ZNF76: variants seen among roughly 807,000 people sequenced by gnomAD.
The protein encoded by ZNF76 is zinc finger protein 76, also known as zinc finger protein 523.
ZNF76 carries 66 observed loss-of-function variants against 66.9 expected under a neutral mutation model. The ratio of observed to expected loss-of-function variants is 0.99; its 90% CI spans 0.81 to 1.21. ZNF76 has a LOEUF of 1.21. Among genes scored for constraint, ZNF76 ranks in the 50% most tolerant of loss-of-function variants. The pLI, the probability that ZNF76 is intolerant of heterozygous loss-of-function variation, is 0.00. For synonymous variants in ZNF76, 275 were observed against 296.1 expected, an observed-to-expected ratio of 0.93 and a Z score of 0.73; for missense variants, 729 against 760.3, an observed-to-expected ratio of 0.96 and a Z score of 0.48.
intron 1 of ZNF76, among the ~76,000 whole-genome samples, chr6:35,269,123 A>G (rs1786596774): frequency 6.6e-6 from 1 of 151,888 alleles, no homozygotes. Flanking sequence ...TCTACTAAAA[A>G]TACAAAAATT....
Position 35,287,677 on chromosome 6 carries a change from C to T in ZNF76, c.264C>T (p.Val88=). 1 of 1,613,896 alleles carries T rather than the reference C, an allele frequency of 6.2e-7. No homozygotes were observed. The change falls in exon 5 of 14, where the codon GTC becomes GTT. Residue 88 remains valine (V), a synonymous_variant. Transcript: ENST00000373953. This position sits in a 1 kb window ranked among gnomAD's most constrained non-coding sequence, Gnocchi z 4.0. ...EGYDPSTLEA[V]QLEDGSTAYI... is the part of the protein sequence containing the mutation. The stretch of plus-strand genomic sequence containing the variant: ...ATGACCCCAGCACCCTGGAAGCCGT[C>T]CAACTGGAAGATGGCTCCACTGCCT...
intron 2 of ZNF76, 75 bp downstream of exon 2, chr6:35,281,299 C>T: frequency 7.1e-7 from 1 of 1,406,698 alleles, no homozygotes; most frequent in Non-Finnish European, 1.0e-6. Context: ...TTCTAAGAGT[C>T]CCACCATCAC....
intron 1 of ZNF76, among the ~76,000 whole-genome samples, chr6:35,267,959 C>G (rs1293180981): frequency 6.6e-6 from 1 of 152,170 alleles, no homozygotes; most frequent in Non-Finnish European, 1.5e-5. Flanking sequence ...AGGAGCTTCT[C>G]TTAGAAGCTC....
In ZNF76 at chr6:35,290,546, G is replaced by A; in HGVS notation, c.550-95G>A. The A allele has an allele frequency of 7.2e-6, 11 of 1,532,260 alleles. No homozygotes were observed. In the South Asian group the frequency reaches 1.3e-4, roughly 18 times the overall value. The allele number at this position is 1,532,260 out of a possible 1,614,324, so 94.9% of individuals were successfully genotyped here. A position where few individuals can be genotyped will look rare whatever the true frequency, so the allele number is the denominator to read the frequency against. On this transcript the variant is annotated intron_variant, in intron 6 of 13. Coordinates refer to ENST00000373953, the MANE Select transcript of ZNF76 (RefSeq NM_003427.5). Reference sequence around the variant, plus strand: ...ACAGAGCGCTTGACACACATGAATGGTACAGGAGGGAAGAGAATCAGGGTC... The same window carrying A: ...ACAGAGCGCTTGACACACATGAATGATACAGGAGGGAAGAGAATCAGGGTC...
At chr6:35,294,076 T>TA in intron 12 of ZNF76, 161 bp downstream of exon 12, 1 of 823,732 alleles carries the variant, frequency 1.2e-6, no homozygotes, top group African/African-American at 1.7e-5. Flanking sequence ...GAGCAGCTCT[T>TA]ACCTTTAAAA....
At position 35,287,762 on chromosome 6, in the gene ZNF76, G is replaced by T; in HGVS notation, c.349G>T (p.Val117Leu). The T allele has an allele frequency of 6.2e-7, 1 of 1,614,218 alleles. No homozygotes were observed. Among genetic ancestry groups the T allele is most frequent in the Non-Finnish European group, 8.5e-7 (1 of 1,180,044 alleles). Residue 117 changes from valine (V) to leucine (L), a missense_variant, in exon 5 of 14, where the codon GTG becomes TTG. Val to Leu is a conservative substitution (Grantham distance 32, BLOSUM62 1). Coordinates refer to ENST00000373953, the MANE Select transcript of ZNF76 (RefSeq NM_003427.5). This position sits in a 1 kb window ranked among gnomAD's most constrained non-coding sequence, Gnocchi z 4.0. ...ESTILAVQTE[V>L]GLEDLAAEDD... ...CACCATCCTGGCCGTACAGACAGAG[G>T]TGGGCTTGGAGGACCTGGCAGCAGA... is the stretch of plus-strand genomic sequence containing the variant.
chr6:35,286,700 A>G (rs1183531267), intron 4 of ZNF76: 3 of 485,690 alleles, frequency 6.2e-6, no homozygotes, highest in Non-Finnish European at 1.1e-5. Context: ...ACCCGAGGAT[A>G]TCATCCAAGA....
chr6:35,281,123 A>G lies in ZNF76; in HGVS notation c.-29A>G. ...TTGGTGCTGGCCAGAAGCCAACTTC[A>G]TGTCTGAGTGCACGAGCAGCAGTTT... On this transcript the variant is annotated 5_prime_UTR_variant, in exon 2 of 14. The change abolishes an upstream ATG in the 5' untranslated region. Transcript: ENST00000373953. 6 of 1,613,212 alleles carry G rather than the reference A, an allele frequency of 3.7e-6. No individual in the cohort carries two copies. The highest frequency in any genetic ancestry group is 4.2e-6 in the Non-Finnish European group (5 of 1,179,326).
In ZNF76 at chr6:35,292,844, C is replaced by T; in HGVS notation, c.1166-37C>T. 6.2e-7 allele frequency: 1 copy of T among 1,613,826 alleles called. No individual in the cohort carries two copies. Among genetic ancestry groups the T allele is most frequent in the South Asian group, 1.1e-5 (1 of 91,072 alleles). On this transcript the variant is annotated intron_variant, in intron 10 of 13. Transcript: ENST00000373953. This position sits in a 1 kb window ranked among gnomAD's most constrained non-coding sequence, Gnocchi z 4.7. ...GACAAGCCAGGCCTCCCCATGGCATCTGGTAGCAGATGTCAGCCTTGGCTC... is the reference window on the plus strand; with the variant it reads ...GACAAGCCAGGCCTCCCCATGGCATTTGGTAGCAGATGTCAGCCTTGGCTC...
rs1195833528 is a variant in ZNF76, at chr6:35,293,887, T to C, written c.1466T>C (p.Val489Ala). Residue 489 changes from valine (V) to alanine (A), a missense_variant, in exon 12 of 14, where the codon GTC becomes GCC. Val to Ala is a moderately conservative substitution (Grantham distance 64). Coordinates refer to ENST00000373953, the MANE Select transcript of ZNF76 (RefSeq NM_003427.5). ...TCTGGCACACATACAGTCACCATGG[T>C]CAGCGCCGATGGCACCCAGACGCAG... is the stretch of plus-strand genomic sequence containing the variant. ...ATSGTHTVTM[V>A]SADGTQTQPV... 6.2e-7 allele frequency: 1 copy of C among 1,614,140 alleles called. No homozygotes were observed. The highest frequency in any genetic ancestry group is 2.2e-5 in the East Asian group (1 of 44,860).
chr6:35,268,220 A>G (rs187393049), intron 1 of ZNF76, among the ~76,000 whole-genome samples: 1 of 152,342 alleles, frequency 6.6e-6, no homozygotes, highest in Non-Finnish European at 1.5e-5. Context: ...ATTTTCCCCT[A>G]AAAGAGTCAG....
In ZNF76 at chr6:35,291,597, G is replaced by A. The variant is rs368985049; in HGVS notation, c.791G>A (p.Arg264His). The change falls in exon 9 of 14, where the codon CGC becomes CAC. Residue 264 changes from arginine to histidine, a missense_variant. Transcript: ENST00000373953. The part of the protein sequence containing the change: ...PFQCPFEGCG[R>H]SFTTSNIRKV... ...CAGTGCCCTTTTGAGGGCTGTGGCC[G>A]CTCCTTCACCACATCTAACATCCGC... 1.2e-5 allele frequency: 20 copies of A among 1,613,792 alleles called. No individual in the cohort carries two copies. The highest frequency in any genetic ancestry group is 5.0e-5 in the Admixed American group (3 of 59,992).
intron 2 of ZNF76, among the ~76,000 whole-genome samples, chr6:35,282,200 TTGGTGGCATGCACC>T (rs1298130574): frequency 6.6e-6 from 1 of 152,060 alleles, no homozygotes; most frequent in Non-Finnish European, 1.5e-5. Context: ...TAAGCTGGGC[TTGGTGGCATGCACC>T]TGTAGTCTCA....
chr6:35,289,818 T>C (rs1427175605), intron 5 of ZNF76, among the ~76,000 whole-genome samples: 1 of 152,120 alleles, frequency 6.6e-6, no homozygotes, highest in African/African-American at 2.4e-5. Context: ...TTATGTACTT[T>C]TAAGCACTAG....
intron 1 of ZNF76, among the ~76,000 whole-genome samples, chr6:35,275,367 C>A (rs1390262337): frequency 6.6e-6 from 1 of 152,092 alleles, no homozygotes; most frequent in Non-Finnish European, 1.5e-5. Context: ...TGCCCCTCTG[C>A]CCTGTCTCGG....
chr6:35,267,460 G>T (rs1466660783), intron 1 of ZNF76, among the ~76,000 whole-genome samples: 1 of 152,174 alleles, frequency 6.6e-6, no homozygotes, highest in African/African-American at 2.4e-5. Context: ...GGGAGTTGAT[G>T]AATTAAGTGC....
At chr6:35,283,160 C>A (rs557606579) in intron 2 of ZNF76, among the ~76,000 whole-genome samples, 2 of 152,232 alleles carry the variant, frequency 1.3e-5, no homozygotes, top group African/African-American at 4.8e-5. Flanking sequence ...GCCACTCTTT[C>A]CTTATATCTA....
At chr6:35,293,996 A>G in intron 12 of ZNF76, 81 bp downstream of exon 12, 1 of 1,505,406 alleles carries the variant, frequency 6.6e-7, no homozygotes, top group South Asian at 1.3e-5. Flanking sequence ...AGCCTAAACT[A>G]GTCAAGTCTT....
chr6:35,266,208 A>G (rs1786036348), intron 1 of ZNF76, among the ~76,000 whole-genome samples: 2 of 151,372 alleles, frequency 1.3e-5, no homozygotes, highest in Non-Finnish European at 2.9e-5. Context: ...GGTGGAGTGC[A>G]GTGGCGTGAT....
Sources: gnomAD v4.1 joint callset for allele counts (sites outside exome capture counted in the v4.1 genomes callset) on GRCh38, gnomAD v4.1.1 for gene constraint, Gnocchi (gnomAD v3.1) non-coding constraint, MANE v1.5 for transcripts, NCBI Gene and HGNC (gene_info 2026-07-23, HGNC 2026-07-21) for gene names.